Variants in DLGAP1 observed in about 807,000 individuals in gnomAD.
DLGAP1 encodes the protein DLG associated protein 1.
DLGAP1 carries 11 observed loss-of-function variants against 90.8 expected under a neutral mutation model. The ratio of observed to expected loss-of-function variants is 0.12; its 90% confidence interval spans 0.08 to 0.20. The LOEUF is 0.20. Among genes scored for constraint, DLGAP1 ranks in the 10% least tolerant of loss-of-function variants. The pLI is 1.00. For synonymous variants in DLGAP1, 558 were observed against 540.7 expected, an observed-to-expected ratio of 1.03 and a Z score of -0.44; for missense variants, 1,050 against 1,333.8, an observed-to-expected ratio of 0.79 and a Z score of 3.31.
chr18:4,119,603 C>A (rs1470954733), intron 2 of DLGAP1, among the ~76,000 whole-genome samples: 1 of 152,156 alleles, frequency 6.6e-6, no homozygotes, highest in Non-Finnish European at 1.5e-5. Context: ...CAGCCGAAGG[C>A]ACACAGGTTG....
intron 5 of DLGAP1, among the ~76,000 whole-genome samples, chr18:3,764,551 C>T (rs1258327253): frequency 3.9e-5 from 6 of 152,194 alleles, no homozygotes; most frequent in Admixed American, 2.6e-4. Context: ...GAGGGAAATA[C>T]GGGTAGTTCC....
chr18:3,650,764 C>T (rs927008782), intron 7 of DLGAP1, among the ~76,000 whole-genome samples: 2 of 152,198 alleles, frequency 1.3e-5, no homozygotes, highest in Non-Finnish European at 2.9e-5. Context: ...ATTTTGATTT[C>T]CGGTAGTAAA....
At chr18:4,153,139 T>C (rs889461072) in intron 1 of DLGAP1, among the ~76,000 whole-genome samples, 30 of 152,250 alleles carry the variant, frequency 2.0e-4, no homozygotes, top group Admixed American at 1.8e-3. Context: ...TAAACAAATA[T>C]ATTAATCACT....
At chr18:4,162,011 T>C (rs73369069) in intron 1 of DLGAP1, among the ~76,000 whole-genome samples, 4,007 of 152,234 alleles carry the variant, frequency 0.026, 191 homozygotes, top group African/African-American at 0.09. Context: ...CATTTTGTCA[T>C]TGTGTCTTAA....
At chr18:3,568,471 A>G (rs1218897806) in intron 8 of DLGAP1, among the ~76,000 whole-genome samples, 1 of 152,118 alleles carries the variant, frequency 6.6e-6, no homozygotes, top group Non-Finnish European at 1.5e-5. Context: ...AAATTTGAAG[A>G]AAATTTTAGA....
chr18:4,309,589 A>AT (rs1029095581), intron 1 of DLGAP1, among the ~76,000 whole-genome samples: 2 of 151,936 alleles, frequency 1.3e-5, no homozygotes, highest in East Asian at 1.9e-4. Context: ...CGTTTAGCCC[A>AT]TTTTTTTTCT....
chr18:4,034,166 C>T (rs987054856), intron 2 of DLGAP1, among the ~76,000 whole-genome samples: 5 of 151,520 alleles, frequency 3.3e-5, no homozygotes, highest in African/African-American at 1.2e-4. Context: ...CTCAGCCTCC[C>T]GAGTAGCTGG....
chr18:4,069,457 G>A (rs766140306), intron 2 of DLGAP1, among the ~76,000 whole-genome samples: 1 of 152,270 alleles, frequency 6.6e-6, no homozygotes, highest in African/African-American at 2.4e-5. Context: ...GTGGGGCCTG[G>A]TGGGAGGTGA....
chr18:3,557,952 T>C (rs2053854893), intron 9 of DLGAP1, among the ~76,000 whole-genome samples: 1 of 152,000 alleles, frequency 6.6e-6, no homozygotes, highest in African/African-American at 2.4e-5. Context: ...ATGGTTAAGA[T>C]CTGTTTTATG....
intron 9 of DLGAP1, among the ~76,000 whole-genome samples, chr18:3,558,945 A>G (rs759025970): frequency 1.1e-4 from 17 of 152,210 alleles, no homozygotes; most frequent in Non-Finnish European, 1.6e-4. Flanking sequence ...CTTTGCCACA[A>G]AATATTTTGT....
At chr18:3,531,208 G>T (rs963824256) in intron 10 of DLGAP1, among the ~76,000 whole-genome samples, 1 of 152,038 alleles carries the variant, frequency 6.6e-6, no homozygotes, top group South Asian at 2.1e-4. Context: ...AGGCCGAGAC[G>T]GGTGGATCAC....
chr18:4,153,128 G>T (rs1293374543), intron 1 of DLGAP1, among the ~76,000 whole-genome samples: 4 of 152,122 alleles, frequency 2.6e-5, no homozygotes, highest in African/African-American at 9.7e-5. Context: ...TAATTGTTAG[G>T]TAAACAAATA....
intron 3 of DLGAP1, among the ~76,000 whole-genome samples, chr18:3,941,022 T>C (rs542970955): frequency 2.0e-5 from 3 of 152,194 alleles, no homozygotes; most frequent in African/African-American, 7.2e-5. Context: ...AGTGAACACC[T>C]TAGTCCATCA....
chr18:4,348,949 C>A (rs1395024227), intron 1 of DLGAP1, among the ~76,000 whole-genome samples: 1 of 152,060 alleles, frequency 6.6e-6, no homozygotes, highest in Non-Finnish European at 1.5e-5. Flanking sequence ...CATCATCTCA[C>A]AAACACAGTG....
chr18:4,213,676 A>G (rs1457943094), intron 1 of DLGAP1, among the ~76,000 whole-genome samples: 2 of 152,192 alleles, frequency 1.3e-5, no homozygotes, highest in African/African-American at 4.8e-5. Context: ...ATAGAGATAT[A>G]TGCATTAACA....
intron 3 of DLGAP1, chr18:3,978,356 C>T: frequency 2.9e-6 from 1 of 341,884 alleles, no homozygotes; most frequent in Non-Finnish European, 5.8e-6. Context: ...AGCATCATCT[C>T]ATTTAATTTT....
At chr18:4,076,949 G>A (rs1162832081) in intron 2 of DLGAP1, among the ~76,000 whole-genome samples, 1 of 151,664 alleles carries the variant, frequency 6.6e-6, no homozygotes, top group Non-Finnish European at 1.5e-5. Context: ...ATCACCATTT[G>A]TTATTATATG....
At chr18:3,773,948 G>A (rs549746590) in intron 5 of DLGAP1, among the ~76,000 whole-genome samples, 2 of 152,308 alleles carry the variant, frequency 1.3e-5, no homozygotes, top group South Asian at 4.1e-4. Context: ...TCCAAGCTGG[G>A]AAATGAGACT....
intron 7 of DLGAP1, among the ~76,000 whole-genome samples, chr18:3,600,931 G>GGT (rs2056952182): frequency 1.5e-5 from 1 of 66,838 alleles, no homozygotes; most frequent in Non-Finnish European, 3.9e-5. Flanking sequence ...GATATATATA[G>GGT]ATATATAGAT....
Sources: gnomAD v4.1 joint callset for allele counts (sites outside exome capture counted in the v4.1 genomes callset) on GRCh38, gnomAD v4.1.1 for gene constraint, MANE v1.5 for transcripts, NCBI Gene and HGNC (gene_info 2026-07-23, HGNC 2026-07-21) for gene names.